Variants in TTC34 observed in about 807,000 individuals in gnomAD.
TTC34 encodes tetratricopeptide repeat protein 34.
Under a neutral mutation model 40.7 loss-of-function variants are expected in TTC34, and 44 were observed. The ratio of observed to expected loss-of-function variants is 1.08; its 90% CI spans 0.85 to 1.39. The LOEUF is 1.39. Ranked by LOEUF, TTC34 falls within the 40% of genes most tolerant of loss-of-function variation. The pLI, the probability that TTC34 is intolerant of heterozygous loss-of-function variation, is 0.00. For synonymous variants in TTC34, 422 were observed against 398.6 expected, an observed-to-expected ratio of 1.06 and a Z score of -0.70; for missense variants, 884 against 838.0, an observed-to-expected ratio of 1.05 and a Z score of -0.68.
At chr1:2,757,791 C>A (rs1326480378) in intron 6 of TTC34, among the ~76,000 whole-genome samples, 5 of 147,676 alleles carry the variant, frequency 3.4e-5, no homozygotes, top group East Asian at 2.0e-4. Context: ...AGCACCCACA[C>A]CTTCCGGCGA....
intron 6 of TTC34, among the ~76,000 whole-genome samples, chr1:2,756,890 T>C (rs1240550082): frequency 1.3e-4 from 20 of 148,474 alleles, no homozygotes; most frequent in Admixed American, 2.7e-4. Context: ...TCTGATGGTC[T>C]GGAGCAGTAC....
At chr1:2,799,395 T>C (rs1036185732) in intron 2 of TTC34, among the ~76,000 whole-genome samples, 1 of 151,984 alleles carries the variant, frequency 6.6e-6, no homozygotes. Context: ...ATACAAAAAT[T>C]AGCCAGGCAT....
chr1:2,685,303 G>T (rs1056512427), intron 6 of TTC34, among the ~76,000 whole-genome samples: 3 of 128,250 alleles, frequency 2.3e-5, no homozygotes, highest in African/African-American at 1.0e-4. Context: ...CCCACAGCCT[G>T]GAGCAGCACA....
intron 6 of TTC34, among the ~76,000 whole-genome samples, chr1:2,655,247 C>T (rs1409516664): frequency 0.01 from 327 of 31,288 alleles, 2 homozygotes; most frequent in Admixed American, 0.035. Flanking sequence ...TGGAGCAGCA[C>T]GCACACCCCC....
chr1:2,790,950 G>A (rs894674597), intron 2 of TTC34, among the ~76,000 whole-genome samples: 1 of 152,148 alleles, frequency 6.6e-6, no homozygotes, highest in Non-Finnish European at 1.5e-5. Context: ...GGGCATTTAC[G>A]GAGTCTCCTG....
chr1:2,752,919 G>C (rs1269427420), intron 6 of TTC34, among the ~76,000 whole-genome samples: 1 of 149,512 alleles, frequency 6.7e-6, no homozygotes, highest in Non-Finnish European at 1.5e-5. Flanking sequence ...CCGACATCCT[G>C]AAACAGCTCC....
intron 6 of TTC34, among the ~76,000 whole-genome samples, chr1:2,779,892 T>C (rs987823142): frequency 2.6e-5 from 4 of 152,208 alleles, no homozygotes; most frequent in Admixed American, 6.5e-5. Flanking sequence ...TTTTGAGAAA[T>C]GTCTGTTTAA....
chr1:2,688,049 C>T (rs563630375), intron 6 of TTC34, among the ~76,000 whole-genome samples: 17 of 142,460 alleles, frequency 1.2e-4, no homozygotes, highest in African/African-American at 2.2e-4. Context: ...ACCCACACCC[C>T]CAGGTAAGCA....
At chr1:2,681,656 C>G (rs1640079970) in intron 6 of TTC34, among the ~76,000 whole-genome samples, 1 of 80,274 alleles carries the variant, frequency 1.2e-5, no homozygotes, top group African/African-American at 4.0e-5. Flanking sequence ...CCTGGAGCAG[C>G]ATCCACACCC....
chr1:2,752,898 C>A (rs1478997358), intron 6 of TTC34, among the ~76,000 whole-genome samples: 1 of 150,572 alleles, frequency 6.6e-6, no homozygotes, highest in Admixed American at 6.6e-5. Context: ...CCCACACCCC[C>A]AGGTGAGCAT....
intron 6 of TTC34, among the ~76,000 whole-genome samples, chr1:2,683,113 C>T (rs926580855): frequency 2.1e-5 from 3 of 141,522 alleles, no homozygotes; most frequent in Non-Finnish European, 3.2e-5. Context: ...ATCCACACCC[C>T]CAGGTGAGCA....
chr1:2,753,130 A>G (rs1364670561), intron 6 of TTC34, among the ~76,000 whole-genome samples: 18 of 8,468 alleles, frequency 2.1e-3, no homozygotes, highest in African/African-American at 9.3e-3. Context: ...GAACAGCACC[A>G]AAAACCCCAG....
Position 2,645,587 on chromosome 1 carries a change from G to GGGCCC in TTC34, c.2227-25_2227-24insGGGCC. 8.7e-6 allele frequency: 2 copies of GGGCCC among 229,526 alleles called. No individual in the cohort carries two copies. The highest frequency in any genetic ancestry group is 1.7e-5 in the Non-Finnish European group (2 of 116,450). 14.2% of individuals were successfully genotyped at this position (229,526 alleles called of 1,614,324 possible). The stretch of plus-strand genomic sequence containing the variant: ...TCCTGCAAGGAGGGAGGGCGGGCGG[G>GGGCCC]TGCAGAGTTGTCCTAAGTAGAGAAA... On this transcript the variant is annotated intron_variant, in intron 6 of 8. Coordinates refer to ENST00000401095, the Ensembl canonical transcript of TTC34. The surrounding 1 kb of genome is among the most constrained non-coding windows in gnomAD (Gnocchi z 4.7).
rs1211175396 is a variant in TTC34, at chr1:2,761,094, C to T, written c.2226+22515G>A. Among the ~76,000 whole-genome samples the T allele has an allele frequency of 3.2e-5, 2 of 62,206 alleles. 1 individual carries two copies. Among genetic ancestry groups the T allele is most frequent in the Non-Finnish European group, 5.4e-5 (2 of 37,344 alleles). The allele number at this position is 62,206 out of a possible 152,430, so 40.8% of individuals were successfully genotyped here. A position where few individuals can be genotyped will look rare whatever the true frequency, so the allele number is the denominator to read the frequency against. On this transcript the variant is annotated intron_variant, in intron 6 of 8. Coordinates refer to ENST00000401095, the Ensembl canonical transcript of TTC34. ...GAGCAGCATCCTCACCCCAGGTGAGCATCGGACATCCTGGAGCATCACATA... is the reference window on the plus strand; with the variant it reads ...GAGCAGCATCCTCACCCCAGGTGAGTATCGGACATCCTGGAGCATCACATA...
Position 2,755,500 on chromosome 1 carries a change from C to A in TTC34, c.2226+28109G>T, listed in dbSNP as rs1295257406. On this transcript the variant is annotated intron_variant, in intron 6 of 8. Coordinates refer to ENST00000401095, the Ensembl canonical transcript of TTC34. Reference sequence around the variant, plus strand: ...TCCGACATCGTGGAGTAGCACCCCACACCCACAGGTGAGCATCTGACAGCC... The same window carrying A: ...TCCGACATCGTGGAGTAGCACCCCAAACCCACAGGTGAGCATCTGACAGCC... Among the ~76,000 whole-genome samples the A allele has an allele frequency of 1.1e-4, 9 of 84,706 alleles. 2 individuals carry two copies. Among genetic ancestry groups the A allele is most frequent in the Admixed American group, 1.2e-4 (1 of 8,630 alleles). The allele number at this position is 84,706 out of a possible 152,430, so 55.6% of individuals were successfully genotyped here.
At chr1:2,684,847 A>T (rs796241370) in intron 6 of TTC34, among the ~76,000 whole-genome samples, 6 of 44,932 alleles carry the variant, frequency 1.3e-4, no homozygotes, top group African/African-American at 6.0e-4. Flanking sequence ...CCCACAGGTG[A>T]GCATCTGACA....
chr1:2,785,311 C>A (rs1464104475), intron 5 of TTC34, among the ~76,000 whole-genome samples: 4 of 152,104 alleles, frequency 2.6e-5, no homozygotes, highest in Non-Finnish European at 5.9e-5. Context: ...CCCAGGAGAT[C>A]CCTGCGAGTC....
At chr1:2,644,601 GC>G in intron 7 of TTC34, 123 bp from the exon 8 acceptor site, 2 of 1,040,690 alleles carry the variant, frequency 1.9e-6, no homozygotes, top group Non-Finnish European at 2.7e-6. Flanking sequence ...TGATGGCTCA[GC>G]CCAGGAAGAA....
intron 6 of TTC34, among the ~76,000 whole-genome samples, chr1:2,769,544 C>G (rs1159039522): frequency 1.6e-5 from 2 of 122,586 alleles, no homozygotes; most frequent in African/African-American, 3.4e-5. Context: ...AGCAGCACCC[C>G]ACACCTCCAG....
Sources: allele counts gnomAD v4.1 joint callset (sites outside exome capture counted in the v4.1 genomes callset), GRCh38; gene constraint gnomAD v4.1.1; non-coding constraint Gnocchi (gnomAD v3.1); transcripts MANE v1.5; gene names NCBI Gene and HGNC (gene_info 2026-07-23, HGNC 2026-07-21).